The following YAE1 variants were observed in gnomAD, a reference collection of about 807,000 sequenced individuals.
The protein encoded by YAE1 is protein YAE1 homolog.
In YAE1, 22 loss-of-function variants were observed where a neutral mutation model predicts 23.0. The ratio of observed to expected loss-of-function variants is 0.96; its 90% CI spans 0.68 to 1.37. The LOEUF is 1.37. Ranked by LOEUF, YAE1 falls within the 40% of genes most tolerant of loss-of-function variation. YAE1 has a pLI of 0.00. For missense variants in YAE1, 260 were observed against 262.1 expected (o/e 0.99, Z 0.06); for synonymous variants, 101 against 97.0 (o/e 1.04, Z -0.24).
chr7:39,593,381 T>C (rs866771458), intron 2 of YAE1, among the ~76,000 whole-genome samples: 16 of 151,676 alleles, frequency 1.1e-4, no homozygotes, highest in South Asian at 2.1e-4. Context: ...GATGGGGTTT[T>C]ACCATGTAGG....
rs1430945489 is a variant in YAE1, at chr7:39,566,663, G to A, written c.129+116G>A. ...CCCGGCGCTGCTCTCTTTATCCCTAGGGACCCGGTCCGACCCGCGTCTTGC... is the reference window on the plus strand; with the variant it reads ...CCCGGCGCTGCTCTCTTTATCCCTAAGGACCCGGTCCGACCCGCGTCTTGC... On this transcript the variant is annotated intron_variant, in intron 1 of 2. Coordinates refer to ENST00000223273, the MANE Select transcript of YAE1 (RefSeq NM_020192.5). 2.1e-6 allele frequency: 3 copies of A among 1,431,224 alleles called. No homozygotes were observed. The East Asian group carries it at 7.5e-5, about 36-fold the overall frequency. The allele number at this position is 1,431,224 out of a possible 1,614,324, so 88.7% of individuals were successfully genotyped here.
chr7:39,595,698 T>G (rs189350470), intron 2 of YAE1, among the ~76,000 whole-genome samples: 3 of 152,336 alleles, frequency 2.0e-5, no homozygotes, highest in Non-Finnish European at 2.9e-5. Context: ...AAATGGTGCC[T>G]TCATCTCCTC....
intron 2 of YAE1, among the ~76,000 whole-genome samples, chr7:39,593,391 G>A (rs1790930222): frequency 6.6e-6 from 1 of 151,758 alleles, no homozygotes; most frequent in Non-Finnish European, 1.5e-5. Context: ...TACCATGTAG[G>A]CCAGTGCCAC....
In YAE1 at chr7:39,601,900, A is replaced by G. The variant is rs1453635255; in HGVS notation, c.252-7717A>G. Among the ~76,000 whole-genome samples, 3 of 152,366 alleles carry G rather than the reference A, an allele frequency of 2.0e-5. No individual in the cohort carries two copies. The East Asian group carries it at 5.8e-4, about 29-fold the overall frequency. On this transcript the variant is annotated intron_variant, in intron 2 of 2. Coordinates refer to the YAE1 transcript ENST00000432096. Reference sequence around the variant, plus strand: ...ACATTGATATGAAATTAGAAAAGTTAAAGTATTTTCATGAATATTCTAACT... The same window carrying G: ...ACATTGATATGAAATTAGAAAAGTTGAAGTATTTTCATGAATATTCTAACT...
chr7:39,577,116 A>C (rs1790666582), downstream of YAE1, among the ~76,000 whole-genome samples: 1 of 152,058 alleles, frequency 6.6e-6, no homozygotes, highest in Non-Finnish European at 1.5e-5. Flanking sequence ...GGCTGGTCTC[A>C]AACTCCTGAC....
chr7:39,593,621 A>C (rs1790936058), intron 2 of YAE1, among the ~76,000 whole-genome samples: 1 of 152,036 alleles, frequency 6.6e-6, no homozygotes, highest in Non-Finnish European at 1.5e-5. Flanking sequence ...CACCATGGCC[A>C]GCTAATTTTT....
intron 2 of YAE1, among the ~76,000 whole-genome samples, chr7:39,591,266 C>G (rs1459186285): frequency 6.6e-6 from 1 of 152,114 alleles, no homozygotes; most frequent in Non-Finnish European, 1.5e-5. Flanking sequence ...GGGGGGGACA[C>G]AATTCAGTGC....
At chr7:39,577,725 C>T (rs1203664183), downstream of YAE1, among the ~76,000 whole-genome samples, 1 of 152,234 alleles carries the variant, frequency 6.6e-6, no homozygotes, top group African/African-American at 2.4e-5. Context: ...CCCCAACGAG[C>T]ACCACCCCCT....
At chr7:39,603,392 C>G (rs1160496192) in intron 2 of YAE1, among the ~76,000 whole-genome samples, 5 of 152,198 alleles carry the variant, frequency 3.3e-5, no homozygotes, top group African/African-American at 1.2e-4. Flanking sequence ...CCTGCCTCGG[C>G]CTCCCAAAGT....
At chr7:39,575,144 C>A (rs1790633819), downstream of YAE1, among the ~76,000 whole-genome samples, 1 of 152,226 alleles carries the variant, frequency 6.6e-6, no homozygotes, top group African/African-American at 2.4e-5. Flanking sequence ...AGAGCTGGCA[C>A]AGCCAGAGTT....
At chr7:39,583,678 G>A (rs1024414559) in intron 2 of YAE1, among the ~76,000 whole-genome samples, 3 of 152,204 alleles carry the variant, frequency 2.0e-5, no homozygotes, top group African/African-American at 7.2e-5. Flanking sequence ...GGAGATCTGA[G>A]CCTCCTACTT....
chr7:39,596,921 G>A lies in YAE1; in HGVS notation c.252-12696G>A, dbSNP rs118128599. ...CAGGCCATGTCCACAAAAATTTCAA[G>A]GGAAAGATTTTAGAAGCAAATATGA... On this transcript the variant is annotated intron_variant, in intron 2 of 2. Transcript: ENST00000432096. 4.5e-4 allele frequency among the ~76,000 whole-genome samples: 69 copies of A among 152,296 alleles called. No individual in the cohort carries two copies. In the East Asian group the frequency reaches 0.013, roughly 29 times the overall value.
exon 3 of YAE1, chr7:39,610,011 C>T: frequency 6.6e-7 from 1 of 1,505,850 alleles, no homozygotes; most frequent in East Asian, 2.5e-5. Context: ...CAGAGGGCAG[C>T]TTGTGCTTAG....
At chr7:39,583,189 A>G (rs1790770700) in intron 2 of YAE1, among the ~76,000 whole-genome samples, 1 of 152,242 alleles carries the variant, frequency 6.6e-6, no homozygotes. Context: ...TGAGAACTAT[A>G]GAAACAAGGA....
chr7:39,583,509 G>C (rs984483984), intron 2 of YAE1, among the ~76,000 whole-genome samples: 2 of 152,200 alleles, frequency 1.3e-5, no homozygotes, highest in African/African-American at 4.8e-5. Context: ...TATGAGAAGT[G>C]ACTGATCTTT....
intron 2 of YAE1, among the ~76,000 whole-genome samples, chr7:39,571,649 T>C (rs1002117579): frequency 6.6e-6 from 1 of 152,232 alleles, no homozygotes. Flanking sequence ...ATGGATTCTA[T>C]TTTTAAATAC....
At position 39,570,603 on chromosome 7, in the gene YAE1, A is replaced by G. The variant is rs767689486; in HGVS notation, c.227A>G (p.Tyr76Cys). The G allele has an allele frequency of 2.6e-5, 42 of 1,602,432 alleles. No homozygotes were observed. The highest frequency in any genetic ancestry group is 4.5e-5 in the East Asian group (2 of 44,762). Reference sequence around the variant, plus strand: ...AAAGGTGCAGAAGTCATTTTAAACTATGGACGACTCCGAGGAACATTGAGG... The same window carrying G: ...AAAGGTGCAGAAGTCATTTTAAACTGTGGACGACTCCGAGGAACATTGAGG... ...YKKGAEVILN[Y>C]GRLRGTLSAL... The change falls in exon 2 of 3, where the codon TAT becomes TGT. Residue 76 changes from tyrosine to cysteine, a missense_variant. Transcript: ENST00000223273.
chr7:39,583,873 G>GT (rs1424629376), intron 2 of YAE1, among the ~76,000 whole-genome samples: 7 of 152,136 alleles, frequency 4.6e-5, no homozygotes, highest in African/African-American at 1.7e-4. Flanking sequence ...ACCTCCTAGG[G>GT]TTATTGTAAA....
intron 2 of YAE1, chr7:39,609,455 AATT>A: frequency 3.4e-6 from 3 of 885,450 alleles, no homozygotes; most frequent in African/African-American, 1.7e-5. Context: ...GATGTTATCA[AATT>A]GGGAGAATGG....
Sources: allele counts gnomAD v4.1 joint callset (sites outside exome capture counted in the v4.1 genomes callset), GRCh38; gene constraint gnomAD v4.1.1; transcripts MANE v1.5; gene names NCBI Gene and HGNC (gene_info 2026-07-23, HGNC 2026-07-21).